MEGF6: variants seen among roughly 807,000 people sequenced by gnomAD.
MEGF6 encodes the protein multiple epidermal growth factor-like domains protein 6.
Under a neutral mutation model 207.1 loss-of-function variants are expected in MEGF6, and 184 were observed. That is an observed-to-expected ratio of 0.89 (90% CI 0.79 to 1.00). MEGF6 has a LOEUF of 1.00. MEGF6 is among the 50% of genes least tolerant of loss of function. MEGF6 has a pLI of 0.00. For missense variants in MEGF6, 2,282 were observed against 2,202.9 expected (o/e 1.04, Z -0.72); for synonymous variants, 1,038 against 910.0 (o/e 1.14, Z -2.53).
At chr1:3,500,307 GC>G (rs1361228625) in intron 21 of MEGF6, among the ~76,000 whole-genome samples, 5 of 152,234 alleles carry the variant, frequency 3.3e-5, no homozygotes, top group African/African-American at 1.2e-4. Context: ...GACAGACCCT[GC>G]CCCCTCCTGC....
intron 4 of MEGF6, among the ~76,000 whole-genome samples, chr1:3,577,806 AG>A (rs1452261377): frequency 2.0e-5 from 3 of 152,336 alleles, no homozygotes; most frequent in Middle Eastern, 3.4e-3. Flanking sequence ...TGGGGAAGAC[AG>A]GCCCCTCCCA....
chr1:3,533,037 T>TTCTCTCC (rs1273010214), intron 4 of MEGF6, among the ~76,000 whole-genome samples: 1 of 152,186 alleles, frequency 6.6e-6, no homozygotes, highest in Admixed American at 6.5e-5. Context: ...AGCCTCCACC[T>TTCTCTCC]TCTCTCCACT....
chr1:3,490,824 G>A lies in MEGF6; in HGVS notation c.4564+88C>T, dbSNP rs571370382. On this transcript the variant is annotated intron_variant, in intron 36 of 36. Transcript: ENST00000356575. ...CCCCGGGTGCAGCTGCTGCCCTGTG[G>A]GGCCCAGATTATACTTAAGCACTCT... 87 of 1,485,290 alleles carry A rather than the reference G, an allele frequency of 5.9e-5. No individual in the cohort carries two copies. In the East Asian group the frequency reaches 2.1e-3, roughly 37 times the overall value. The allele number at this position is 1,485,290 out of a possible 1,614,324, so 92.0% of individuals were successfully genotyped here.
chr1:3,613,433 CT>C (rs748078063), upstream of MEGF6, among the ~76,000 whole-genome samples: 8 of 152,216 alleles, frequency 5.3e-5, no homozygotes, highest in Non-Finnish European at 8.8e-5. Context: ...GATTCCTGCT[CT>C]TTGAGAGCTG....
At position 3,489,110 on chromosome 1, in the gene MEGF6, G is replaced by A. The variant is rs146741741; in HGVS notation, c.*1418C>T. 2.2e-4 allele frequency among the ~76,000 whole-genome samples: 33 copies of A among 152,280 alleles called. 1 individual carries two copies. The East Asian group carries it at 4.2e-3, about 20-fold the overall frequency. The stretch of plus-strand genomic sequence containing the variant: ...CCACACTCCGTCTGCACCCCAGTCC[G>A]TCTCTCTCTGGCTGCTGCTTCTGCA... On this transcript the variant is annotated 3_prime_UTR_variant, in exon 37 of 37. Coordinates refer to ENST00000356575, the MANE Select transcript of MEGF6 (RefSeq NM_001409.4).
chr1:3,521,109 C>T (rs1427082596), intron 5 of MEGF6, among the ~76,000 whole-genome samples: 6 of 152,264 alleles, frequency 3.9e-5, no homozygotes, highest in South Asian at 4.1e-4. Flanking sequence ...GGCGGGGTCA[C>T]GACACCCTCC....
chr1:3,617,967 T>A, the MEGF6 span, among the ~76,000 whole-genome samples: 1 of 152,120 alleles, frequency 6.6e-6, no homozygotes, highest in Non-Finnish European at 1.5e-5. Context: ...CAAGGCCCTG[T>A]CCCTGGGGAG....
At chr1:3,496,529 G>A in intron 29 of MEGF6, 126 bp downstream of exon 29, 1 of 1,406,962 alleles carries the variant, frequency 7.1e-7, no homozygotes, top group Non-Finnish European at 9.7e-7. Context: ...CTTGGGGCCA[G>A]GCCCAGCCAG....
intron 4 of MEGF6, among the ~76,000 whole-genome samples, chr1:3,535,971 G>C (rs757845502): frequency 4.6e-5 from 7 of 152,174 alleles, no homozygotes; most frequent in Non-Finnish European, 7.3e-5. Context: ...TGTCGGGCAG[G>C]GCTCAGTGCT....
intron 4 of MEGF6, among the ~76,000 whole-genome samples, chr1:3,524,833 C>T (rs1191696895): frequency 6.6e-6 from 1 of 152,152 alleles, no homozygotes; most frequent in Non-Finnish European, 1.5e-5. Flanking sequence ...GAGGGTGAGC[C>T]CTAAATCCAA....
intron 17 of MEGF6, among the ~76,000 whole-genome samples, chr1:3,504,745 G>A (rs1305241095): frequency 2.6e-5 from 4 of 152,106 alleles, no homozygotes; most frequent in Non-Finnish European, 4.4e-5. Context: ...AAGCATCCAC[G>A]TGCAGGGGCC....
chr1:3,618,689 A>T, the MEGF6 span, among the ~76,000 whole-genome samples: 1 of 152,180 alleles, frequency 6.6e-6, no homozygotes, highest in Non-Finnish European at 1.5e-5. The surrounding 1 kb of genome is among the most constrained non-coding windows in gnomAD (Gnocchi z 4.7). Flanking sequence ...TGTGTCTGCA[A>T]GACACCACCT....
intron 4 of MEGF6, among the ~76,000 whole-genome samples, chr1:3,538,035 A>G (rs1642386919): frequency 6.6e-6 from 1 of 152,154 alleles, no homozygotes; most frequent in Non-Finnish European, 1.5e-5. Flanking sequence ...AAGGTACTAG[A>G]AGGAGGCCAC....
chr1:3,574,136 C>T (rs972611369), intron 4 of MEGF6, among the ~76,000 whole-genome samples: 1 of 151,950 alleles, frequency 6.6e-6, no homozygotes, highest in Admixed American at 6.6e-5. Context: ...TCAGAGTGGG[C>T]CTGGGTGCTG....
chr1:3,562,933 C>T lies in MEGF6; in HGVS notation c.481+16892G>A, dbSNP rs539982673. Among the ~76,000 whole-genome samples, 602 of 152,262 alleles carry T rather than the reference C, an allele frequency of 4.0e-3. 10 individuals are homozygous for T. Among genetic ancestry groups the T allele is most frequent in the South Asian group, 6.0e-3 (29 of 4,816 alleles). On this transcript the variant is annotated intron_variant, in intron 4 of 36. Coordinates refer to ENST00000356575, the MANE Select transcript of MEGF6 (RefSeq NM_001409.4). ...TCTGTACACCCACCCCCAGGAAGGACGGTGGGCTGTCCTCAGGCGCCCCCA... is the reference window on the plus strand; with the variant it reads ...TCTGTACACCCACCCCCAGGAAGGATGGTGGGCTGTCCTCAGGCGCCCCCA...
At chr1:3,498,578 G>A (rs908137591) in intron 25 of MEGF6, 79 bp from the exon 26 acceptor site, 29 of 1,489,646 alleles carry the variant, frequency 1.9e-5, no homozygotes, top group East Asian at 5.0e-5. Flanking sequence ...CTTCCTGCAC[G>A]CAGAGCTGAA....
chr1:3,494,747 G>A lies in MEGF6; in HGVS notation c.3872-6C>T. The A allele has an allele frequency of 1.3e-6, 2 of 1,570,726 alleles. No individual in the cohort carries two copies. The highest frequency in any genetic ancestry group is 8.6e-7 in the Non-Finnish European group (1 of 1,157,208). On this transcript the variant is annotated splice_polypyrimidine_tract_variant and splice_region_variant and intron_variant, in intron 30 of 36. Transcript: ENST00000356575. ...AAACCGGTTCTGGGGGCAGCCTGGAGACAGAAGGCAGGTGCTGCCTGGAGC... is the reference window on the plus strand; with the variant it reads ...AAACCGGTTCTGGGGGCAGCCTGGAAACAGAAGGCAGGTGCTGCCTGGAGC...
intron 4 of MEGF6, among the ~76,000 whole-genome samples, chr1:3,545,373 A>G (rs1389887190): frequency 6.6e-6 from 1 of 152,090 alleles, no homozygotes; most frequent in African/African-American, 2.4e-5. Context: ...GGGACTGCAC[A>G]GGCAGCCGCA....
At chr1:3,552,491 C>T (rs1642917864) in intron 4 of MEGF6, among the ~76,000 whole-genome samples, 1 of 152,246 alleles carries the variant, frequency 6.6e-6, no homozygotes, top group Non-Finnish European at 1.5e-5. Flanking sequence ...GAGGCCAGGA[C>T]TTTGAGACCA....
Sources: allele counts gnomAD v4.1 joint callset (sites outside exome capture counted in the v4.1 genomes callset), GRCh38; gene constraint gnomAD v4.1.1; non-coding constraint Gnocchi (gnomAD v3.1); transcripts MANE v1.5; gene names NCBI Gene and HGNC (gene_info 2026-07-23, HGNC 2026-07-21).